The following AOPEP variants were observed in gnomAD, a reference collection of about 807,000 sequenced individuals.
The protein encoded by AOPEP is aminopeptidase O (putative).
In AOPEP, 77 loss-of-function variants were observed where a neutral mutation model predicts 98.1. The observed-to-expected ratio is 0.78, with a 90% CI of 0.65 to 0.95. The LOEUF (loss-of-function observed/expected upper bound fraction) is 0.95. AOPEP is among the 40% of genes least tolerant of loss of function. The pLI is 0.00. For synonymous variants in AOPEP, 346 were observed against 365.3 expected (o/e 0.95, Z 0.60); for missense variants, 1,024 against 1,024.7 (o/e 1.00, Z 0.01).
intron 13 of AOPEP, among the ~76,000 whole-genome samples, chr9:95,036,593 C>T (rs1373217724): frequency 6.6e-6 from 1 of 152,094 alleles, no homozygotes; most frequent in African/African-American, 2.4e-5. Flanking sequence ...CACTTCATTC[C>T]TTTCGGTAAA....
the AOPEP span, among the ~76,000 whole-genome samples, chr9:95,116,616 C>T: frequency 6.6e-6 from 1 of 152,194 alleles, no homozygotes; most frequent in South Asian, 2.1e-4. Flanking sequence ...GCAGTCTGTG[C>T]CCATGTCAGG....
At chr9:95,078,143 A>G (rs970533140) in intron 14 of AOPEP, among the ~76,000 whole-genome samples, 8 of 152,064 alleles carry the variant, frequency 5.3e-5, no homozygotes, top group Admixed American at 5.2e-4. Context: ...ATTAATCTTG[A>G]CAGTAAACTA....
At chr9:95,125,144 G>C in the AOPEP span, 1 of 1,614,178 alleles carries the variant, frequency 6.2e-7, no homozygotes, top group Non-Finnish European at 8.5e-7. Flanking sequence ...CTGAATAGTG[G>C]CTATGATTTC....
At chr9:95,098,544 C>T in the AOPEP span, among the ~76,000 whole-genome samples, 829 of 152,264 alleles carry the variant, frequency 5.4e-3, 5 homozygotes, top group African/African-American at 0.018. Flanking sequence ...TAGCCGGAAG[C>T]ATGGGGAGTG....
At chr9:94,730,969 C>T (rs185197830) in intron 1 of AOPEP, among the ~76,000 whole-genome samples, 2 of 152,120 alleles carry the variant, frequency 1.3e-5, no homozygotes, top group Non-Finnish European at 2.9e-5. Flanking sequence ...GCAGTGAAGG[C>T]GAAGGTTGTT....
intron 13 of AOPEP, among the ~76,000 whole-genome samples, chr9:95,058,631 G>C (rs1463863193): frequency 2.6e-5 from 4 of 152,216 alleles, no homozygotes; most frequent in African/African-American, 9.7e-5. Flanking sequence ...TTGTGGGGTA[G>C]AGCAGGTCCC....
At chr9:94,973,112 C>A (rs1362768280) in intron 10 of AOPEP, among the ~76,000 whole-genome samples, 1 of 152,216 alleles carries the variant, frequency 6.6e-6, no homozygotes, top group Non-Finnish European at 1.5e-5. Flanking sequence ...TGCTGCCTTA[C>A]CTCTATCTGG....
rs1420565836 is a variant in AOPEP at position 94,734,303 on chromosome 9, T to C, written c.-136+7552T>C. 3.9e-5 allele frequency among the ~76,000 whole-genome samples: 6 copies of C among 152,186 alleles called. No homozygotes were observed. In the South Asian group the frequency reaches 6.2e-4, roughly 16 times the overall value. ...GCCCTTCCTACAGTTTTTCCTGTTA[T>C]AGGAAGTATAATGTCCTACAGAGAA... On this transcript the variant is annotated intron_variant, in intron 1 of 16. Coordinates refer to ENST00000375315, the MANE Select transcript of AOPEP (RefSeq NM_001193329.3).
At chr9:95,014,647 A>G (rs1328150348) in intron 13 of AOPEP, among the ~76,000 whole-genome samples, 1 of 152,146 alleles carries the variant, frequency 6.6e-6, no homozygotes, top group Non-Finnish European at 1.5e-5. Context: ...GCATCTACTC[A>G]TGGAGGACTA....
intron 5 of AOPEP, among the ~76,000 whole-genome samples, chr9:94,899,999 A>G (rs2050169691): frequency 6.6e-6 from 1 of 152,142 alleles, no homozygotes; most frequent in African/African-American, 2.4e-5. Context: ...GAAATACTGA[A>G]CTATGAGTCT....
chr9:94,966,773 A>G lies in AOPEP; in HGVS notation c.1873-985A>G, dbSNP rs552684066. 6.6e-5 allele frequency among the ~76,000 whole-genome samples: 10 copies of G among 152,276 alleles called. No homozygotes were observed. In the East Asian group the frequency reaches 1.4e-3, roughly 21 times the overall value. On this transcript the variant is annotated intron_variant, in intron 9 of 16. Coordinates refer to ENST00000375315, the MANE Select transcript of AOPEP (RefSeq NM_001193329.3). ...ATTTTTTAATGTAGTTATGCCCCCAATTTTACTGGGCATCTCTTCTTATTT... is the reference window on the plus strand; with the variant it reads ...ATTTTTTAATGTAGTTATGCCCCCAGTTTTACTGGGCATCTCTTCTTATTT...
chr9:94,986,818 C>T (rs1408623919), intron 11 of AOPEP, among the ~76,000 whole-genome samples: 1 of 152,202 alleles, frequency 6.6e-6, no homozygotes, highest in East Asian at 1.9e-4. Context: ...CTGTGTGCTT[C>T]CTTCATTTCT....
chr9:94,839,261 A>G (rs927108921), intron 5 of AOPEP, among the ~76,000 whole-genome samples: 7 of 150,040 alleles, frequency 4.7e-5, no homozygotes, highest in Non-Finnish European at 7.4e-5. Context: ...AATTTTTTGT[A>G]TTTTTTTTTG....
chr9:94,929,157 G>A (rs900953430), intron 7 of AOPEP, among the ~76,000 whole-genome samples: 3 of 152,210 alleles, frequency 2.0e-5, no homozygotes, highest in South Asian at 2.1e-4. Flanking sequence ...GGCTCCGGGA[G>A]CACTGTGGTT....
intron 13 of AOPEP, among the ~76,000 whole-genome samples, chr9:95,049,800 A>G (rs968582234): frequency 6.6e-6 from 1 of 152,266 alleles, no homozygotes; most frequent in East Asian, 1.9e-4. Context: ...GCCAACGCCT[A>G]TGAAAAGACC....
At chr9:95,048,536 C>T (rs1047265672) in intron 13 of AOPEP, among the ~76,000 whole-genome samples, 2 of 152,042 alleles carry the variant, frequency 1.3e-5, no homozygotes, top group Non-Finnish European at 2.9e-5. Context: ...CTGACAGCAC[C>T]GGGACCGACC....
the AOPEP span, among the ~76,000 whole-genome samples, chr9:95,149,761 G>A: frequency 2.6e-5 from 4 of 151,920 alleles, no homozygotes; most frequent in Non-Finnish European, 2.9e-5. Flanking sequence ...TTACAGGTGT[G>A]AGCCACCACA....
rs1845580716 is a variant in AOPEP at position 94,790,971 on chromosome 9, A to C, written c.965-1794A>C. Among the ~76,000 whole-genome samples the C allele has an allele frequency of 3.3e-5, 5 of 152,182 alleles. 1 individual carries two copies. The Middle Eastern group carries it at 0.017, about 518-fold the overall frequency. The stretch of plus-strand genomic sequence containing the variant: ...AATAGCTCCTGTAAAGGAGTTTGTG[A>C]AGGGACTGAAAGAGAGATTTACGCT... On this transcript the variant is annotated intron_variant, in intron 3 of 16. Transcript: ENST00000375315.
intron 13 of AOPEP, among the ~76,000 whole-genome samples, chr9:95,022,642 T>C (rs1397357814): frequency 1.7e-5 from 1 of 58,374 alleles, no homozygotes; most frequent in African/African-American, 3.3e-5. Flanking sequence ...TCTGGCCTAT[T>C]TTGTTTTTTT....
Sources: allele counts gnomAD v4.1 joint callset (sites outside exome capture counted in the v4.1 genomes callset), GRCh38; gene constraint gnomAD v4.1.1; transcripts MANE v1.5; gene names NCBI Gene and HGNC (gene_info 2026-07-23, HGNC 2026-07-21).